UGT1A10: variants seen among roughly 807,000 people sequenced by gnomAD.
UGT1A10 encodes the protein UDP-glucuronosyltransferase 1A10.
In UGT1A10, 49 loss-of-function variants were observed where a neutral mutation model predicts 45.8. That is an observed-to-expected ratio of 1.07 (90% CI 0.85 to 1.36). The LOEUF (loss-of-function observed/expected upper bound fraction) is 1.36, where lower values mean the gene tolerates loss of function less well. Ranked by LOEUF, UGT1A10 falls within the 40% of genes most tolerant of loss-of-function variation. UGT1A10 has a pLI of 0.00. For missense variants in UGT1A10, 745 were observed against 668.6 expected, an observed-to-expected ratio of 1.11 and a Z score of -1.26; for synonymous variants, 284 against 249.7, an observed-to-expected ratio of 1.14 and a Z score of -1.29.
At position 233,697,853 on chromosome 2, in the gene UGT1A10, G is replaced by A. The variant is rs373328291; in HGVS notation, c.855+60476G>A. On this transcript the variant is annotated intron_variant, in intron 1 of 4. Coordinates refer to ENST00000344644, the MANE Select transcript of UGT1A10 (RefSeq NM_019075.4). Reference sequence around the variant, plus strand: ...CTAATTAAGAAGTTAGTAAGCAAAAGTTATGCATTTATTTAATGATTTCTT... The same window carrying A: ...CTAATTAAGAAGTTAGTAAGCAAAAATTATGCATTTATTTAATGATTTCTT... Among the ~76,000 whole-genome samples, 3 of 152,022 alleles carry A rather than the reference G, an allele frequency of 2.0e-5. No homozygotes were observed. The East Asian group carries it at 5.8e-4, about 29-fold the overall frequency.
chr2:233,686,969 A>C (rs6753320), intron 1 of UGT1A10, among the ~76,000 whole-genome samples: 59,757 of 152,040 alleles, frequency 0.39, 11,937 homozygotes, highest in South Asian at 0.45. Flanking sequence ...TTAGCAAGGC[A>C]GGGAAGTTGT....
chr2:233,759,176 C>T (rs982253420), intron 1 of UGT1A10, among the ~76,000 whole-genome samples: 3 of 152,132 alleles, frequency 2.0e-5, no homozygotes, highest in African/African-American at 4.8e-5. Flanking sequence ...GCAGGTTTCA[C>T]GGCAAAAAGT....
At position 233,665,943 on chromosome 2, in the gene UGT1A10, G is replaced by T. The variant is rs540344335; in HGVS notation, c.855+28566G>T. 3.3e-5 allele frequency among the ~76,000 whole-genome samples: 5 copies of T among 152,232 alleles called. No individual in the cohort carries two copies. The South Asian group carries it at 1.0e-3, about 32-fold the overall frequency. ...CCAGCTGTTCATACTCACCAACACT[G>T]GATGTCTTAGTCCGTTTGCATTGCG... On this transcript the variant is annotated intron_variant, in intron 1 of 4. Coordinates refer to ENST00000344644, the MANE Select transcript of UGT1A10 (RefSeq NM_019075.4).
intron 1 of UGT1A10, among the ~76,000 whole-genome samples, chr2:233,724,347 C>T (rs1207944594): frequency 5.4e-5 from 8 of 147,950 alleles, no homozygotes; most frequent in East Asian, 2.1e-4. Flanking sequence ...CTGACCCCCC[C>T]CACCTCCCTC....
intron 1 of UGT1A10, among the ~76,000 whole-genome samples, chr2:233,656,789 G>C (rs530126422): frequency 6.6e-6 from 1 of 152,240 alleles, no homozygotes; most frequent in Admixed American, 6.5e-5. Flanking sequence ...GGCCAGGAGG[G>C]TTCGATTCAC....
Position 233,743,631 on chromosome 2 carries a change from G to T in UGT1A10, c.856-23403G>T, listed in dbSNP as rs1346320649. Reference sequence around the variant, plus strand: ...AAGAACTCCCTGAAGACGTCGGCTGGGTCGCGGAAGCTGAAGACGTACTCG... The same window carrying T: ...AAGAACTCCCTGAAGACGTCGGCTGTGTCGCGGAAGCTGAAGACGTACTCG... On this transcript the variant is annotated intron_variant, in intron 1 of 4. Transcript: ENST00000344644. The T allele has an allele frequency of 2.2e-6, 3 of 1,367,310 alleles. No homozygotes were observed. The East Asian group carries it at 1.4e-4, about 62-fold the overall frequency. 84.7% of individuals were successfully genotyped at this position (1,367,310 alleles called of 1,614,324 possible).
At chr2:233,671,317 CTGGTA>C (rs1298265495) in intron 1 of UGT1A10, among the ~76,000 whole-genome samples, 1 of 152,188 alleles carries the variant, frequency 6.6e-6, no homozygotes, top group Non-Finnish European at 1.5e-5. Flanking sequence ...CATCAAGTCC[CTGGTA>C]TGGTCCATGG....
At chr2:233,648,806 T>C in intron 1 of UGT1A10, 1 of 968,666 alleles carries the variant, frequency 1.0e-6, no homozygotes, top group Non-Finnish European at 1.6e-6. Context: ...AACCACATCT[T>C]CTACTTAGAG....
At chr2:233,704,449 C>T (rs1211739225) in intron 1 of UGT1A10, among the ~76,000 whole-genome samples, 2 of 152,034 alleles carry the variant, frequency 1.3e-5, no homozygotes, top group Non-Finnish European at 2.9e-5. Context: ...AAATGTCATT[C>T]CTATATAGCT....
At chr2:233,729,220 T>C (rs754967236) in intron 1 of UGT1A10, 8 of 1,613,996 alleles carry the variant, frequency 5.0e-6, no homozygotes, top group Admixed American at 3.3e-5. Context: ...TGGAAAGGTG[T>C]TGGTGGTGCC....
intron 1 of UGT1A10, among the ~76,000 whole-genome samples, chr2:233,759,225 G>A (rs984421918): frequency 4.6e-5 from 7 of 152,188 alleles, no homozygotes; most frequent in Admixed American, 2.0e-4. Context: ...TTATGCAAAT[G>A]AAGGATGGAA....
rs144956531 is a variant in UGT1A10, at chr2:233,704,021, G to A, written c.856-63013G>A. Among the ~76,000 whole-genome samples the A allele has an allele frequency of 2.1e-3, 322 of 152,060 alleles. 1 individual carries two copies. The highest frequency in any genetic ancestry group is 7.3e-3 in the African/African-American group (305 of 41,502). ...TTCTCCCACCTCAGCCGCCCGAGCA[G>A]CTGGAACTACAGGTGTGCACCAACA... is the stretch of plus-strand genomic sequence containing the variant. On this transcript the variant is annotated intron_variant, in intron 1 of 4. Transcript: ENST00000344644.
At chr2:233,676,480 G>A (rs997531639) in intron 1 of UGT1A10, among the ~76,000 whole-genome samples, 4 of 152,062 alleles carry the variant, frequency 2.6e-5, no homozygotes, top group East Asian at 3.8e-4. Context: ...CAATATTGAC[G>A]CATAATGATG....
chr2:233,750,643 A>G (rs1694525645), intron 1 of UGT1A10: 1 of 149,168 alleles, frequency 6.7e-6, no homozygotes. Flanking sequence ...TGCTGTGTGC[A>G]GCCTCAGGAC....
intron 1 of UGT1A10, among the ~76,000 whole-genome samples, chr2:233,695,736 T>G (rs2075304736): frequency 1.3e-5 from 2 of 152,212 alleles, no homozygotes; most frequent in African/African-American, 4.8e-5. Flanking sequence ...TTTATGTTGC[T>G]GCACATGACA....
At chr2:233,685,153 T>C (rs1384992803) in intron 1 of UGT1A10, among the ~76,000 whole-genome samples, 1 of 152,180 alleles carries the variant, frequency 6.6e-6, no homozygotes, top group African/African-American at 2.4e-5. Flanking sequence ...TTAAATACTT[T>C]AACAAGGATG....
At chr2:233,681,797 G>T in intron 1 of UGT1A10, 1 of 1,472,342 alleles carries the variant, frequency 6.8e-7, no homozygotes. Flanking sequence ...GTAAATCATT[G>T]GCAGTGAATG....
intron 1 of UGT1A10, among the ~76,000 whole-genome samples, chr2:233,706,841 A>G (rs1197973943): frequency 6.6e-6 from 1 of 152,232 alleles, no homozygotes; most frequent in East Asian, 1.9e-4. Flanking sequence ...TAAACACCTC[A>G]GCAGTCTTTA....
chr2:233,672,888 A>G, intron 1 of UGT1A10: 2 of 1,512,682 alleles, frequency 1.3e-6, no homozygotes, highest in Non-Finnish European at 1.8e-6. Context: ...CATTTGTTTC[A>G]TTTCAAATTT....
Sources: allele counts gnomAD v4.1 joint callset (sites outside exome capture counted in the v4.1 genomes callset), GRCh38; gene constraint gnomAD v4.1.1; transcripts MANE v1.5; gene names NCBI Gene and HGNC (gene_info 2026-07-23, HGNC 2026-07-21).